The following RP1 variants were observed in gnomAD, a reference collection of about 807,000 sequenced individuals.
RP1 encodes the protein RP1 axonemal microtubule associated.
RP1 carries 16 observed loss-of-function variants against 14.8 expected under a neutral mutation model. The observed-to-expected ratio is 1.08, with a 90% CI of 0.73 to 1.65. The LOEUF is 1.65. Ranked by LOEUF, RP1 falls within the 40% of genes most tolerant of loss-of-function variation. The probability of loss-of-function intolerance (pLI) is 0.00; values close to 1 mark genes in which losing one functional copy is unlikely to be tolerated. For synonymous variants in RP1, 876 were observed against 883.6 expected (o/e 0.99, Z 0.15); for missense variants, 2,631 against 2,535.0 (o/e 1.04, Z -0.81).
chr8:54,819,145 C>T (rs1267301267), intron 24 of RP1, among the ~76,000 whole-genome samples: 3 of 151,748 alleles, frequency 2.0e-5, no homozygotes, highest in Non-Finnish European at 4.4e-5. Context: ...TGTAGGCATG[C>T]TTCATTCTTT....
chr8:54,742,788 T>G (rs1809129582), intron 19 of RP1, among the ~76,000 whole-genome samples: 1 of 152,200 alleles, frequency 6.6e-6, no homozygotes. Flanking sequence ...ATGAGTTAAG[T>G]GGGCCTGAAG....
At position 54,678,817 on chromosome 8, in the gene RP1, C is replaced by T. The variant is rs571333369; in HGVS notation, c.1478+281C>T. Among the ~76,000 whole-genome samples, 7 of 152,160 alleles carry T rather than the reference C, an allele frequency of 4.6e-5. No individual in the cohort carries two copies. The South Asian group carries it at 1.5e-3, about 32-fold the overall frequency. ...ATATCAGAAAGAAAAATGAAAGTCT[C>T]TGACAAGAAAACATATTCCCTTTGG... is the stretch of plus-strand genomic sequence containing the variant. On this transcript the variant is annotated intron_variant, in intron 9 of 22. Transcript: ENST00000636932.
At chr8:54,800,323 GGGGTGTGTGTAT>G (rs1337795622) in intron 24 of RP1, among the ~76,000 whole-genome samples, 12 of 151,816 alleles carry the variant, frequency 7.9e-5, no homozygotes, top group African/African-American at 2.9e-4. Flanking sequence ...GTGTGTTGGG[GGGGTGTGTGTAT>G]GGGTGTGTGT....
At chr8:54,759,156 G>C (rs1037348841) in intron 22 of RP1, 2 of 1,317,852 alleles carry the variant, frequency 1.5e-6, no homozygotes, top group African/African-American at 1.5e-5. Context: ...GTGTGTGTGT[G>C]TGTGTGTGTG....
At position 54,792,654 on chromosome 8, in the gene RP1, A is replaced by G. The variant is rs1810493639; in HGVS notation, c.3615+8944A>G. ...AAATAACTTGAGACAAACACAAATG[A>G]AAATACAACATACCAAAACTTATGT... On this transcript the variant is annotated intron_variant, in intron 24 of 28. Transcript: ENST00000637698. 2.0e-5 allele frequency among the ~76,000 whole-genome samples: 3 copies of G among 151,934 alleles called. No individual in the cohort carries two copies. In the South Asian group the frequency reaches 6.2e-4, roughly 31 times the overall value.
intron 5 of RP1, among the ~76,000 whole-genome samples, chr8:54,655,735 T>C (rs1449795389): frequency 6.6e-6 from 1 of 152,172 alleles, no homozygotes; most frequent in African/African-American, 2.4e-5. Flanking sequence ...ATAGAAAATT[T>C]ATCTGGGTGC....
chr8:54,760,067 A>G (rs1282378506), intron 22 of RP1, among the ~76,000 whole-genome samples: 1 of 152,224 alleles, frequency 6.6e-6, no homozygotes, highest in East Asian at 1.9e-4. Context: ...GAGGCAATTC[A>G]ACTAAAAATC....
At chr8:54,855,143 A>G (rs1004160512) in intron 26 of RP1, among the ~76,000 whole-genome samples, 1 of 152,186 alleles carries the variant, frequency 6.6e-6, no homozygotes, top group Non-Finnish European at 1.5e-5. Context: ...GGTACCTCAT[A>G]TAAGTGGAAT....
chr8:54,759,373 T>G (rs1482120266), intron 22 of RP1, among the ~76,000 whole-genome samples: 1 of 152,240 alleles, frequency 6.6e-6, no homozygotes, highest in Admixed American at 6.5e-5. Flanking sequence ...AGAATATTTG[T>G]TTAACTGTTG....
chr8:54,752,212 T>C (rs181295021), intron 19 of RP1, among the ~76,000 whole-genome samples: 5 of 152,320 alleles, frequency 3.3e-5, no homozygotes, highest in Admixed American at 3.3e-4. Context: ...ACATCTCCAA[T>C]CTTCTGAAGT....
At chr8:54,850,653 A>C (rs1276656662) in intron 25 of RP1, among the ~76,000 whole-genome samples, 1 of 152,240 alleles carries the variant, frequency 6.6e-6, no homozygotes, top group Non-Finnish European at 1.5e-5. Context: ...ATGTTAACTA[A>C]GCATTATTTA....
chr8:54,663,956 G>A, intron 7 of RP1: 2 of 1,070,916 alleles, frequency 1.9e-6, no homozygotes, highest in Non-Finnish European at 2.5e-6. Flanking sequence ...TCACAGTTTA[G>A]TAATGTTAAG....
intron 1 of RP1, among the ~76,000 whole-genome samples, chr8:54,566,500 G>A (rs1255637075): frequency 5.9e-5 from 9 of 152,120 alleles, no homozygotes; most frequent in South Asian, 2.1e-4. Context: ...GTAAAGCCCC[G>A]CCCCTCCCAT....
chr8:54,751,600 T>C (rs1261245930), intron 19 of RP1, among the ~76,000 whole-genome samples: 1 of 152,236 alleles, frequency 6.6e-6, no homozygotes, highest in African/African-American at 2.4e-5. Flanking sequence ...ATACATCTGG[T>C]AAATAGCAGT....
At chr8:54,720,525 C>T (rs1808509240) in intron 16 of RP1, among the ~76,000 whole-genome samples, 1 of 152,140 alleles carries the variant, frequency 6.6e-6, no homozygotes, top group Admixed American at 6.5e-5. Context: ...CTACATTGAA[C>T]TTCTTTGTAA....
chr8:54,608,201 T>G (rs1420583409), intron 1 of RP1, among the ~76,000 whole-genome samples: 1 of 146,344 alleles, frequency 6.8e-6, no homozygotes, highest in Non-Finnish European at 1.5e-5. Context: ...TTTTTTTTTT[T>G]AATTTGAGAT....
intron 6 of RP1, among the ~76,000 whole-genome samples, chr8:54,660,160 T>G (rs1282107712): frequency 1.3e-5 from 2 of 152,102 alleles, no homozygotes; most frequent in African/African-American, 4.8e-5. Context: ...CCAAGTTGGT[T>G]ATCTTTTATT....
At chr8:54,635,367 G>A (rs890985823), downstream of RP1, among the ~76,000 whole-genome samples, 1 of 152,050 alleles carries the variant, frequency 6.6e-6, no homozygotes, top group Non-Finnish European at 1.5e-5. Flanking sequence ...TACTACTTAC[G>A]TAAGACTGCT....
chr8:54,663,987 A>G, intron 7 of RP1: 2 of 837,108 alleles, frequency 2.4e-6, no homozygotes, highest in Non-Finnish European at 3.4e-6. Context: ...TTTCTGTGCA[A>G]CAGATCATCA....
Sources: allele counts gnomAD v4.1 joint callset (sites outside exome capture counted in the v4.1 genomes callset), GRCh38; gene constraint gnomAD v4.1.1; transcripts MANE v1.5; gene names NCBI Gene and HGNC (gene_info 2026-07-23, HGNC 2026-07-21).